The following SRRM4 variants were observed in gnomAD, a reference collection of about 807,000 sequenced individuals.
SRRM4 encodes serine/arginine repetitive matrix 4.
Under a neutral mutation model 68.9 loss-of-function variants are expected in SRRM4, and 33 were observed. The observed-to-expected ratio is 0.48, with a 90% confidence interval of 0.36 to 0.64. The LOEUF is 0.64. Among genes scored for constraint, SRRM4 ranks in the 30% least tolerant of loss-of-function variants. The probability of loss-of-function intolerance (pLI) is 0.00; values close to 1 mark genes in which losing one functional copy is unlikely to be tolerated. For missense variants in SRRM4, 817 were observed against 827.1 expected (o/e 0.99, Z 0.15); for synonymous variants, 318 against 318.8 (o/e 1.00, Z 0.03).
In SRRM4 at chr12:119,137,628, GAGA is replaced by G. The variant is rs1592913277; in HGVS notation, c.771+6795_771+6797del. ...AGAGAGAGAGAGAGAGAGAGAGAGA[GAGA>G]GAGGAGATACTGGAGCTTCACATTG... is the stretch of plus-strand genomic sequence containing the variant. On this transcript the variant is annotated intron_variant, in intron 8 of 12. Coordinates refer to ENST00000267260, the MANE Select transcript of SRRM4 (RefSeq NM_194286.4). Among the ~76,000 whole-genome samples the G allele has an allele frequency of 7.3e-5, 9 of 123,770 alleles. No homozygotes were observed. The East Asian group carries it at 2.5e-3, about 34-fold the overall frequency. The allele number at this position is 123,770 out of a possible 152,430, so 81.2% of individuals were successfully genotyped here.
In SRRM4 at chr12:119,135,119, G is replaced by T. The variant is rs139414915; in HGVS notation, c.771+4285G>T. Among the ~76,000 whole-genome samples the T allele has an allele frequency of 4.8e-4, 73 of 152,312 alleles. 1 individual carries two copies. Among genetic ancestry groups the T allele is most frequent in the African/African-American group, 1.6e-3 (68 of 41,568 alleles). On this transcript the variant is annotated intron_variant, in intron 8 of 12. Coordinates refer to ENST00000267260, the MANE Select transcript of SRRM4 (RefSeq NM_194286.4). Reference sequence around the variant, plus strand: ...AATTGGGAGAAAGGGGAACTGTTATGAGTTGTGGTTTGTGCCTTGAAAGCT... The same window carrying T: ...AATTGGGAGAAAGGGGAACTGTTATTAGTTGTGGTTTGTGCCTTGAAAGCT...
intron 1 of SRRM4, among the ~76,000 whole-genome samples, chr12:118,990,634 A>T (rs1953310687): frequency 1.3e-5 from 2 of 152,160 alleles, no homozygotes; most frequent in Non-Finnish European, 2.9e-5. Flanking sequence ...CAATCAGTTT[A>T]GTAACTGCCA....
At chr12:119,017,502 T>C (rs1251597600) in intron 1 of SRRM4, among the ~76,000 whole-genome samples, 2 of 152,176 alleles carry the variant, frequency 1.3e-5, no homozygotes, top group African/African-American at 4.8e-5. Context: ...GGCTGCTGCA[T>C]TCCCTGGGCT....
At chr12:119,067,346 G>A (rs570149349) in intron 1 of SRRM4, among the ~76,000 whole-genome samples, 7 of 152,222 alleles carry the variant, frequency 4.6e-5, no homozygotes, top group South Asian at 2.1e-4. Context: ...ATTTCTTATT[G>A]TAACAACCCT....
At chr12:119,110,180 T>C (rs1954133591) in intron 2 of SRRM4, among the ~76,000 whole-genome samples, 1 of 152,208 alleles carries the variant, frequency 6.6e-6, no homozygotes, top group African/African-American at 2.4e-5. Context: ...TGATCCTTCC[T>C]CTGGAATCTT....
rs1462066329 is a variant in SRRM4 at position 119,117,730 on chromosome 12, G to A, written c.437+722G>A. ...AGGTCGAGACCATCCTGGCCAACAT[G>A]GTGAAACCCAGTCTCTACTAAAAAT... On this transcript the variant is annotated intron_variant, in intron 4 of 12. Transcript: ENST00000267260. 2.0e-5 allele frequency among the ~76,000 whole-genome samples: 3 copies of A among 152,126 alleles called. No homozygotes were observed. The South Asian group carries it at 6.2e-4, about 32-fold the overall frequency.
intron 8 of SRRM4, among the ~76,000 whole-genome samples, chr12:119,144,875 C>CA (rs568691741): frequency 2.6e-5 from 4 of 151,850 alleles, no homozygotes; most frequent in East Asian, 3.9e-4. Context: ...TTTTTCTTTT[C>CA]AAAAAAAATT....
chr12:118,983,949 T>C (rs1242624945), intron 1 of SRRM4, among the ~76,000 whole-genome samples: 2 of 152,138 alleles, frequency 1.3e-5, no homozygotes, highest in African/African-American at 4.8e-5. Flanking sequence ...TTTAATGTCG[T>C]GGGTCTCCTT....
intron 1 of SRRM4, among the ~76,000 whole-genome samples, chr12:119,010,941 T>C (rs1251707300): frequency 2.0e-5 from 3 of 152,236 alleles, no homozygotes; most frequent in Non-Finnish European, 4.4e-5. Flanking sequence ...ACACAAGTTG[T>C]AATGTTATTT....
chr12:119,148,427 G>A (rs1410460251), intron 9 of SRRM4, among the ~76,000 whole-genome samples: 1 of 152,188 alleles, frequency 6.6e-6, no homozygotes, highest in Non-Finnish European at 1.5e-5. Context: ...GAGGACACAT[G>A]TTTACTGATA....
rs78968109 is a variant in SRRM4 at position 119,145,420 on chromosome 12, A to C, written c.811A>C (p.Thr271Pro). Reference sequence around the variant, plus strand: ...GTCTGCTGCTGACCTCTTTACCAAAACAGCCAGCCCGCTCACCACCTCGCG... The same window carrying C: ...GTCTGCTGCTGACCTCTTTACCAAACCAGCCAGCCCGCTCACCACCTCGCG... The part of the protein sequence containing the change: ...SGSAADLFTK[T>P]ASPLTTSRGR... Residue 271 changes from threonine to proline, a missense_variant, in exon 9 of 13, where the codon ACA becomes CCA. Physicochemically the swap from Thr to Pro is conservative, Grantham distance 38. Transcript: ENST00000267260. The C allele has an allele frequency of 6.2e-7, 1 of 1,606,566 alleles. No homozygotes were observed. The highest frequency in any genetic ancestry group is 1.1e-5 in the South Asian group (1 of 89,418).
chr12:118,989,264 G>A (rs1033857754), intron 1 of SRRM4, among the ~76,000 whole-genome samples: 3 of 152,100 alleles, frequency 2.0e-5, no homozygotes, highest in Non-Finnish European at 4.4e-5. Context: ...CAGAAGATTG[G>A]CTGGGTCCCT....
intron 1 of SRRM4, among the ~76,000 whole-genome samples, chr12:119,017,715 G>A (rs553441145): frequency 6.6e-6 from 1 of 152,282 alleles, no homozygotes; most frequent in South Asian, 2.1e-4. Context: ...ATCCTTTGGG[G>A]AGGGGTCCGT....
intron 1 of SRRM4, among the ~76,000 whole-genome samples, chr12:119,100,863 G>A (rs1035407644): frequency 6.6e-6 from 1 of 152,210 alleles, no homozygotes; most frequent in Non-Finnish European, 1.5e-5. Flanking sequence ...GAGCAGGATG[G>A]AAGGGAGTTC....
chr12:119,012,267 A>T (rs1238414264), intron 1 of SRRM4, among the ~76,000 whole-genome samples: 3 of 152,198 alleles, frequency 2.0e-5, no homozygotes, highest in African/African-American at 7.2e-5. Flanking sequence ...TAAGATAGAG[A>T]TGAATGAGTC....
At chr12:119,068,950 C>G in intron 1 of SRRM4, among the ~76,000 whole-genome samples, 1 of 152,016 alleles carries the variant, frequency 6.6e-6, no homozygotes, top group East Asian at 1.9e-4. Context: ...AACCCATTCC[C>G]CAAAGATACT....
At position 119,026,358 on chromosome 12, in the gene SRRM4, G is replaced by A. The variant is rs567159467; in HGVS notation, c.131+44345G>A. Among the ~76,000 whole-genome samples, 51 of 151,802 alleles carry A rather than the reference G, an allele frequency of 3.4e-4. 1 individual carries two copies. Among genetic ancestry groups the A allele is most frequent in the African/African-American group, 1.2e-3 (48 of 41,256 alleles). On this transcript the variant is annotated intron_variant, in intron 1 of 12. Coordinates refer to ENST00000267260, the MANE Select transcript of SRRM4 (RefSeq NM_194286.4). Reference sequence around the variant, plus strand: ...GACAATTTGAAGTTATATTAAGGAGGCAAAATGCACAGAACTTGGTTCCTG... The same window carrying A: ...GACAATTTGAAGTTATATTAAGGAGACAAAATGCACAGAACTTGGTTCCTG...
At chr12:119,073,286 A>G (rs1953888750) in intron 1 of SRRM4, among the ~76,000 whole-genome samples, 1 of 145,594 alleles carries the variant, frequency 6.9e-6, no homozygotes, top group Non-Finnish European at 1.5e-5. Flanking sequence ...AACTTCTTGG[A>G]GTCTCTATTT....
chr12:119,157,626 T>C lies in SRRM4; in HGVS notation c.*828T>C, dbSNP rs1464657046. On this transcript the variant is annotated 3_prime_UTR_variant, in exon 13 of 13. Transcript: ENST00000267260. This position sits in a 1 kb window ranked among gnomAD's most constrained non-coding sequence, Gnocchi z 4.1. ...GAGATAGTGGAAGAGTCAGGACAGG[T>C]TGGTCTCCAGCCCCACTTCCCAAAT... 6.6e-6 allele frequency: 1 copy of C among 152,542 alleles called. No homozygotes were observed. Among genetic ancestry groups the C allele is most frequent in the Non-Finnish European group, 1.5e-5 (1 of 68,294 alleles). The allele number at this position is 152,542 out of a possible 1,614,324, so 9.4% of individuals were successfully genotyped here. A position where few individuals can be genotyped will look rare whatever the true frequency, so the allele number is the denominator to read the frequency against.
Sources: gnomAD v4.1 joint callset for allele counts (sites outside exome capture counted in the v4.1 genomes callset) on GRCh38, gnomAD v4.1.1 for gene constraint, Gnocchi (gnomAD v3.1) non-coding constraint, MANE v1.5 for transcripts, NCBI Gene and HGNC (gene_info 2026-07-23, HGNC 2026-07-21) for gene names.